The following ATP10B variants were observed in gnomAD, a reference collection of about 807,000 sequenced individuals.
The protein encoded by ATP10B is phospholipid-transporting ATPase VB.
ATP10B carries 122 observed loss-of-function variants against 141.2 expected under a neutral mutation model. That is an observed-to-expected ratio of 0.86 (90% CI 0.75 to 1.00). The LOEUF (loss-of-function observed/expected upper bound fraction) is 1.00, where lower values mean the gene tolerates loss of function less well. Among genes scored for constraint, ATP10B ranks in the 50% least tolerant of loss-of-function variants. The probability of loss-of-function intolerance (pLI) is 0.00; values close to 1 mark genes in which losing one functional copy is unlikely to be tolerated. For synonymous variants in ATP10B, 685 were observed against 692.0 expected (o/e 0.99, Z 0.16); for missense variants, 1,876 against 1,825.3 (o/e 1.03, Z -0.51).
At chr5:160,738,348 G>A (rs1217486133) in intron 2 of ATP10B, among the ~76,000 whole-genome samples, 2 of 151,928 alleles carry the variant, frequency 1.3e-5, no homozygotes, top group African/African-American at 4.8e-5. Flanking sequence ...CAAGGATCTA[G>A]GTTTCCCTCT....
chr5:160,773,684 A>C (rs1400587368), intron 2 of ATP10B, among the ~76,000 whole-genome samples: 5 of 151,898 alleles, frequency 3.3e-5, no homozygotes, highest in Middle Eastern at 3.2e-3. Context: ...ACTCTTAACC[A>C]CTCTGCTACC....
chr5:160,912,414 C>CAAAAAAA, the ATP10B span, among the ~76,000 whole-genome samples: 17 of 88,908 alleles, frequency 1.9e-4, no homozygotes, highest in African/African-American at 5.6e-4. Context: ...CTGTTTCTAC[C>CAAAAAAA]AAAAAAAAAA....
At chr5:160,706,623 A>G (rs1218620768) in intron 3 of ATP10B, among the ~76,000 whole-genome samples, 1 of 152,152 alleles carries the variant, frequency 6.6e-6, no homozygotes, top group Non-Finnish European at 1.5e-5. Flanking sequence ...TTTAAAAATA[A>G]CCTTTTTATT....
At chr5:160,826,689 G>A (rs547492350) in intron 1 of ATP10B, among the ~76,000 whole-genome samples, 1 of 152,228 alleles carries the variant, frequency 6.6e-6, no homozygotes, top group African/African-American at 2.4e-5. Flanking sequence ...AAGTAGGAGA[G>A]AGATCACTAA....
chr5:160,625,475 C>T (rs1758563333), intron 13 of ATP10B, among the ~76,000 whole-genome samples: 2 of 152,118 alleles, frequency 1.3e-5, no homozygotes, highest in African/African-American at 4.8e-5. Flanking sequence ...GCCACAGGTA[C>T]CCAAGTTGAG....
At position 160,715,560 on chromosome 5, in the gene ATP10B, GAA is replaced by G. The variant is rs750898132; in HGVS notation, c.-205+1347_-205+1348del. On this transcript the variant is annotated intron_variant, in intron 3 of 25. Transcript: ENST00000327245. ...ACCCGGTACCTCAGATGGAAATGCA[GAA>G]ATCACCCGTCTTCTGCGTCGCTCAC... Among the ~76,000 whole-genome samples the G allele has an allele frequency of 6.6e-3, 995 of 150,406 alleles. 4 individuals are homozygous for G. Among genetic ancestry groups the G allele is most frequent in the Non-Finnish European group, 9.7e-3 (652 of 67,220 alleles).
the ATP10B span, among the ~76,000 whole-genome samples, chr5:160,929,011 AATAG>A: frequency 6.6e-6 from 1 of 152,144 alleles, no homozygotes; most frequent in Non-Finnish European, 1.5e-5. Context: ...GAGCTTCCCA[AATAG>A]ATAGAGGATT....
intron 2 of ATP10B, among the ~76,000 whole-genome samples, chr5:160,723,854 G>A (rs188825201): frequency 9.9e-5 from 15 of 151,934 alleles, no homozygotes; most frequent in Non-Finnish European, 1.0e-4. Flanking sequence ...AGCATGAGTC[G>A]CAATAGAAAA....
At position 160,716,923 on chromosome 5, in the gene ATP10B, C is replaced by G; in HGVS notation, c.-219G>C. ...AAAAGATATACCTGTTAGCGGAGTC[C>G]CTTTAAGGAGGTTAGACCAGTGACC... is the stretch of plus-strand genomic sequence containing the variant. On this transcript the variant is annotated 5_prime_UTR_variant, in exon 3 of 26. Transcript: ENST00000327245. 8 of 985,302 alleles carry G rather than the reference C, an allele frequency of 8.1e-6. No individual in the cohort carries two copies. Among genetic ancestry groups the G allele is most frequent in the Non-Finnish European group, 9.6e-6 (8 of 829,918 alleles). The allele number at this position is 985,302 out of a possible 1,614,324, so 61.0% of individuals were successfully genotyped here. A position where few individuals can be genotyped will look rare whatever the true frequency, so the allele number is the denominator to read the frequency against.
intron 2 of ATP10B, among the ~76,000 whole-genome samples, chr5:160,784,453 A>G (rs1770983680): frequency 6.6e-6 from 1 of 152,194 alleles, no homozygotes; most frequent in Non-Finnish European, 1.5e-5. Context: ...AGCAGTTGGT[A>G]TCTGCGGAGT....
At chr5:160,778,450 C>A (rs138415754) in intron 2 of ATP10B, among the ~76,000 whole-genome samples, 80 of 152,140 alleles carry the variant, frequency 5.3e-4, no homozygotes, top group Non-Finnish European at 1.1e-3. Context: ...TTCAAAAACT[C>A]ATAATAGAGC....
At chr5:160,704,789 G>T (rs1201441010) in intron 3 of ATP10B, among the ~76,000 whole-genome samples, 1 of 151,998 alleles carries the variant, frequency 6.6e-6, no homozygotes. Context: ...TTGATAACTT[G>T]CCACAGCTTC....
At chr5:160,925,275 TAA>T in the ATP10B span, among the ~76,000 whole-genome samples, 11 of 152,340 alleles carry the variant, frequency 7.2e-5, no homozygotes, top group African/African-American at 2.4e-5. Context: ...CCCTATCTCA[TAA>T]AAGAGTTGAG....
intron 2 of ATP10B, among the ~76,000 whole-genome samples, chr5:160,766,659 G>A (rs1769457093): frequency 6.6e-6 from 1 of 152,074 alleles, no homozygotes; most frequent in South Asian, 2.1e-4. Context: ...CTCGGGTGAT[G>A]GGTGCACCAA....
the ATP10B span, among the ~76,000 whole-genome samples, chr5:160,878,420 C>A: frequency 6.6e-6 from 1 of 151,950 alleles, no homozygotes; most frequent in African/African-American, 2.4e-5. Flanking sequence ...GACCTAAAAC[C>A]ATAAAAACCC....
At chr5:160,574,358 C>CA in intron 24 of ATP10B, among the ~76,000 whole-genome samples, 1 of 152,046 alleles carries the variant, frequency 6.6e-6, no homozygotes, top group East Asian at 1.9e-4. Flanking sequence ...CACTTGAACC[C>CA]GGAGGCGGAG....
chr5:160,910,438 G>A, the ATP10B span, among the ~76,000 whole-genome samples: 2 of 152,108 alleles, frequency 1.3e-5, no homozygotes, highest in Admixed American at 6.5e-5. Flanking sequence ...TTCGTTTAAC[G>A]CTCCAGCCCC....
At chr5:160,700,462 G>C (rs1764606936) in intron 3 of ATP10B, among the ~76,000 whole-genome samples, 1 of 152,210 alleles carries the variant, frequency 6.6e-6, no homozygotes, top group Non-Finnish European at 1.5e-5. Context: ...ACCATGTTAA[G>C]GGACATTTCC....
chr5:160,817,784 C>A (rs1274055405), intron 1 of ATP10B, among the ~76,000 whole-genome samples: 1 of 152,162 alleles, frequency 6.6e-6, no homozygotes, highest in Non-Finnish European at 1.5e-5. Flanking sequence ...CAGCATGGTA[C>A]TGGTACCAAA....
Sources: allele counts gnomAD v4.1 joint callset (sites outside exome capture counted in the v4.1 genomes callset), GRCh38; gene constraint gnomAD v4.1.1; transcripts MANE v1.5; gene names NCBI Gene and HGNC (gene_info 2026-07-23, HGNC 2026-07-21).